EYS: variants seen among roughly 807,000 people sequenced by gnomAD.
EYS encodes protein eyes shut homolog.
A neutral mutation model predicts 282.1 loss-of-function variants in EYS; 250 were observed. The observed-to-expected ratio is 0.89, with a 90% CI of 0.80 to 0.98. The LOEUF is 0.98. Among genes scored for constraint, EYS ranks in the 50% least tolerant of loss-of-function variants. The probability of loss-of-function intolerance (pLI) is 0.00; values close to 1 mark genes in which losing one functional copy is unlikely to be tolerated. For synonymous variants in EYS, 1,355 were observed against 1,282.9 expected (o/e 1.06, Z -1.20); for missense variants, 4,016 against 3,709.0 (o/e 1.08, Z -2.15).
chr6:65,339,250 G>C (rs1418875515), intron 10 of EYS, among the ~76,000 whole-genome samples: 2 of 151,092 alleles, frequency 1.3e-5, no homozygotes, highest in Non-Finnish European at 3.0e-5. Flanking sequence ...TGAAATAGGG[G>C]AGAGAAACTA....
intron 2 of EYS, among the ~76,000 whole-genome samples, chr6:65,627,500 T>A (rs1766750519): frequency 6.6e-6 from 1 of 152,038 alleles, no homozygotes; most frequent in Admixed American, 6.5e-5. Flanking sequence ...TGGAGCCCAC[T>A]CCCTCAGCTT....
chr6:64,962,877 G>T (rs543404326), intron 14 of EYS, among the ~76,000 whole-genome samples: 1 of 152,234 alleles, frequency 6.6e-6, no homozygotes, highest in South Asian at 2.1e-4. Context: ...TTTGTATCAA[G>T]AACACAAATT....
Position 64,064,388 on chromosome 6 carries a change from T to C in EYS, c.6725+1950A>G, listed in dbSNP as rs530630158. ...TGCAAATATTAAGACATCGAGAGCA[T>C]GCTTAGCAGATGAGCACTCAACAGT... On this transcript the variant is annotated intron_variant, in intron 33 of 42. Coordinates refer to ENST00000503581, the MANE Select transcript of EYS (RefSeq NM_001142800.2). 2.6e-5 allele frequency among the ~76,000 whole-genome samples: 4 copies of C among 152,254 alleles called. No homozygotes were observed. In the East Asian group the frequency reaches 7.7e-4, roughly 29 times the overall value.
At chr6:65,166,690 A>G (rs1048166519) in intron 12 of EYS, among the ~76,000 whole-genome samples, 1 of 151,170 alleles carries the variant, frequency 6.6e-6, no homozygotes, top group African/African-American at 2.4e-5. Context: ...ACAAAATCAT[A>G]AGTGACAAAA....
intron 2 of EYS, among the ~76,000 whole-genome samples, chr6:65,522,536 G>C (rs1404660587): frequency 6.6e-6 from 1 of 152,120 alleles, no homozygotes; most frequent in African/African-American, 2.4e-5. Flanking sequence ...GAGTCGATCT[G>C]TCATCCAGGC....
chr6:64,691,021 A>C (rs1014144919), intron 22 of EYS, among the ~76,000 whole-genome samples: 46 of 152,046 alleles, frequency 3.0e-4, no homozygotes, highest in Admixed American at 3.0e-3. Flanking sequence ...AGTCATGCAT[A>C]TATAATATTA....
At chr6:64,800,075 A>T (rs1423029814) in intron 22 of EYS, among the ~76,000 whole-genome samples, 1 of 152,052 alleles carries the variant, frequency 6.6e-6, no homozygotes, top group Non-Finnish European at 1.5e-5. Context: ...AGAAGCTTAG[A>T]AAACTTTTAT....
chr6:64,270,997 T>C (rs182722706), intron 30 of EYS, among the ~76,000 whole-genome samples: 1 of 152,238 alleles, frequency 6.6e-6, no homozygotes. Context: ...GATATGTTTA[T>C]CTCTAGGTCG....
At chr6:64,345,692 G>T (rs867098405) in intron 29 of EYS, among the ~76,000 whole-genome samples, 14 of 151,722 alleles carry the variant, frequency 9.2e-5, no homozygotes, top group Middle Eastern at 3.4e-3. Context: ...AAAGCCAAAA[G>T]TGACAAATGG....
chr6:65,321,760 G>T (rs1025286139), intron 11 of EYS, among the ~76,000 whole-genome samples: 13 of 152,204 alleles, frequency 8.5e-5, no homozygotes, highest in African/African-American at 2.7e-4. Flanking sequence ...CTGGCACAAA[G>T]ATGTTGTGTG....
chr6:64,577,232 A>G (rs1187585746), intron 26 of EYS, among the ~76,000 whole-genome samples: 2 of 152,090 alleles, frequency 1.3e-5, no homozygotes, highest in Non-Finnish European at 2.9e-5. Context: ...CTGGTATTTT[A>G]TTGTGGCAGA....
chr6:64,174,548 T>C (rs1403646497), intron 31 of EYS, among the ~76,000 whole-genome samples: 1 of 151,656 alleles, frequency 6.6e-6, no homozygotes, highest in Admixed American at 6.6e-5. Context: ...AATCATTTTA[T>C]TCATATGTTA....
chr6:64,743,712 T>G (rs1772451893), intron 22 of EYS, among the ~76,000 whole-genome samples: 1 of 152,150 alleles, frequency 6.6e-6, no homozygotes, highest in South Asian at 2.1e-4. Flanking sequence ...AGAAGTTACT[T>G]GATTTTTTTG....
intron 13 of EYS, among the ~76,000 whole-genome samples, chr6:65,036,390 C>A (rs762799114): frequency 1.3e-5 from 2 of 151,672 alleles, no homozygotes; most frequent in Non-Finnish European, 2.9e-5. Flanking sequence ...AGAAAAAAAA[C>A]TAGGAAATAC....
chr6:63,798,088 G>A (rs1770690754), intron 37 of EYS: 1 of 152,078 alleles, frequency 6.6e-6, no homozygotes, highest in Non-Finnish European at 1.5e-5. Context: ...CAAGTATAGT[G>A]TTCCCCTGTG....
At chr6:64,787,634 T>C (rs1014272087) in intron 22 of EYS, among the ~76,000 whole-genome samples, 1 of 151,140 alleles carries the variant, frequency 6.6e-6, no homozygotes, top group Non-Finnish European at 1.5e-5. Context: ...TTACTTCCTC[T>C]TTCCTGTTAT....
intron 12 of EYS, among the ~76,000 whole-genome samples, chr6:65,117,721 G>A (rs1775416658): frequency 6.6e-6 from 1 of 152,084 alleles, no homozygotes; most frequent in African/African-American, 2.4e-5. Context: ...CAAGAAATAG[G>A]AAAAGCAGAC....
intron 22 of EYS, among the ~76,000 whole-genome samples, chr6:64,705,886 G>A (rs1484974922): frequency 6.7e-6 from 1 of 149,672 alleles, no homozygotes; most frequent in Non-Finnish European, 1.5e-5. Flanking sequence ...CCTAATGCTA[G>A]ATGACGAGTT....
At position 64,675,428 on chromosome 6, in the gene EYS, CT is replaced by C. The variant is rs56346431; in HGVS notation, c.3444-49184del. 1.0e-3 allele frequency among the ~76,000 whole-genome samples: 117 copies of C among 114,628 alleles called. No homozygotes were observed. In the Middle Eastern group the frequency reaches 0.022, roughly 22 times the overall value. 75.2% of individuals were successfully genotyped at this position (114,628 alleles called of 152,430 possible). A position where few individuals can be genotyped will look rare whatever the true frequency, so the allele number is the denominator to read the frequency against. Reference sequence around the variant, plus strand: ...GTTTTTCCTGTTTCTCTTTTTTTTTCTTTTTTTTTTTTTTTTTGAGATGGAG... The same window carrying C: ...GTTTTTCCTGTTTCTCTTTTTTTTTCTTTTTTTTTTTTTTTTGAGATGGAG... On this transcript the variant is annotated intron_variant, in intron 22 of 42. Transcript: ENST00000503581.
Sources: gnomAD v4.1 joint callset for allele counts (sites outside exome capture counted in the v4.1 genomes callset) on GRCh38, gnomAD v4.1.1 for gene constraint, MANE v1.5 for transcripts, NCBI Gene and HGNC (gene_info 2026-07-23, HGNC 2026-07-21) for gene names.